The following AGPS variants were observed in gnomAD, a reference collection of about 807,000 sequenced individuals.
AGPS encodes the protein alkyldihydroxyacetonephosphate synthase, peroxisomal.
A neutral mutation model predicts 90.7 loss-of-function variants in AGPS; 26 were observed. The observed-to-expected ratio is 0.29, with a 90% confidence interval of 0.21 to 0.40. The LOEUF is 0.40. AGPS is among the 10% of genes least tolerant of loss of function. The pLI is 1.00. For synonymous variants in AGPS, 294 were observed against 285.3 expected (o/e 1.03, Z -0.31); for missense variants, 540 against 816.1 (o/e 0.66, Z 4.12).
chr2:177,515,283 A>G lies in AGPS; in HGVS notation c.1697+1375A>G, dbSNP rs141354714. On this transcript the variant is annotated intron_variant, in intron 17 of 19. Transcript: ENST00000264167. ...TGCTTCATTTTTCTCTTGATAGCCC[A>G]GTCTTTTAGCAGTCAGCTCTCTTTT... 5.1e-3 allele frequency among the ~76,000 whole-genome samples: 769 copies of G among 152,216 alleles called. 6 individuals carry two copies. Among genetic ancestry groups the G allele is most frequent in the African/African-American group, 0.017 (718 of 41,538 alleles).
chr2:177,401,307 T>C (rs545900192), intron 1 of AGPS, among the ~76,000 whole-genome samples: 154 of 152,332 alleles, frequency 1.0e-3, no homozygotes, highest in African/African-American at 3.5e-3. Flanking sequence ...CTTCAATCCC[T>C]ATCTTGAACT....
At chr2:177,531,759 A>G (rs1167968518) in intron 19 of AGPS, among the ~76,000 whole-genome samples, 1 of 152,216 alleles carries the variant, frequency 6.6e-6, no homozygotes, top group Non-Finnish European at 1.5e-5. Context: ...CTATATAGTT[A>G]CAGTAGTCAT....
intron 1 of AGPS, among the ~76,000 whole-genome samples, chr2:177,416,215 A>G (rs907479409): frequency 7.9e-5 from 12 of 152,294 alleles, no homozygotes; most frequent in African/African-American, 2.9e-4. Context: ...CCATTTTAAG[A>G]ATAAAGAAAC....
At chr2:177,405,497 T>C (rs1208967887) in intron 1 of AGPS, among the ~76,000 whole-genome samples, 1 of 152,232 alleles carries the variant, frequency 6.6e-6, no homozygotes, top group Non-Finnish European at 1.5e-5. Context: ...TTTTTCCTGC[T>C]GCTTAAAAGC....
At chr2:177,520,081 C>A (rs768657260) in intron 17 of AGPS, among the ~76,000 whole-genome samples, 3 of 152,162 alleles carry the variant, frequency 2.0e-5, no homozygotes, top group Non-Finnish European at 2.9e-5. Context: ...AGGTCACTCT[C>A]CTGGCCATCT....
Position 177,461,941 on chromosome 2 carries a change from T to G in AGPS, c.919T>G (p.Phe307Val), listed in dbSNP as rs1687304936. ...CTGHEPDSLEFSTVGGWVSTR... is the reference protein window; with the variant it reads ...CTGHEPDSLEVSTVGGWVSTR... The stretch of plus-strand genomic sequence containing the variant: ...AGGTCATGAACCAGATTCCCTGGAG[T>G]TCAGTACTGTAGGAGGATGGGTATC... Residue 307 changes from phenylalanine (F) to valine (V), a missense_variant, in exon 9 of 20, where the codon TTC becomes GTC. Coordinates refer to ENST00000264167, the MANE Select transcript of AGPS (RefSeq NM_003659.4). The G allele has an allele frequency of 6.2e-7, 1 of 1,612,614 alleles. No individual in the cohort carries two copies. Among genetic ancestry groups the G allele is most frequent in the Non-Finnish European group, 8.5e-7 (1 of 1,179,192 alleles).
At chr2:177,409,176 T>A (rs1319362954) in intron 1 of AGPS, among the ~76,000 whole-genome samples, 4 of 152,140 alleles carry the variant, frequency 2.6e-5, no homozygotes, top group South Asian at 2.1e-4. Flanking sequence ...TTTTTTTTTT[T>A]AATCATTATT....
intron 14 of AGPS, among the ~76,000 whole-genome samples, chr2:177,504,524 G>T (rs747678045): frequency 1.3e-5 from 2 of 151,818 alleles, no homozygotes; most frequent in Non-Finnish European, 2.9e-5. Flanking sequence ...CACTTCTTTT[G>T]GATAACACCA....
At chr2:177,511,401 GTTACA>G (rs1688868040) in intron 16 of AGPS, among the ~76,000 whole-genome samples, 2 of 151,980 alleles carry the variant, frequency 1.3e-5, no homozygotes, top group Non-Finnish European at 2.9e-5. Context: ...CCTAGCCGAT[GTTACA>G]GATTTTGGAG....
intron 2 of AGPS, among the ~76,000 whole-genome samples, chr2:177,429,653 G>A (rs1559042353): frequency 6.6e-6 from 1 of 152,216 alleles, no homozygotes; most frequent in Non-Finnish European, 1.5e-5. Flanking sequence ...ACCAGTGGAG[G>A]CTGTGAAACA....
At chr2:177,473,892 G>A (rs989239717) in intron 10 of AGPS, among the ~76,000 whole-genome samples, 1 of 152,110 alleles carries the variant, frequency 6.6e-6, no homozygotes, top group African/African-American at 2.4e-5. Context: ...GCAATGCCTC[G>A]TTTTATACTA....
At chr2:177,462,426 A>G (rs1035375548) in intron 9 of AGPS, among the ~76,000 whole-genome samples, 1 of 149,668 alleles carries the variant, frequency 6.7e-6, no homozygotes, top group Non-Finnish European at 1.5e-5. Flanking sequence ...AAAGAGTTGG[A>G]TGGTAGATTC....
chr2:177,450,964 A>ATATATATACATATATGTATATATG (rs1553511649), intron 8 of AGPS, among the ~76,000 whole-genome samples: 1 of 123,750 alleles, frequency 8.1e-6, no homozygotes, highest in African/African-American at 3.7e-5. Flanking sequence ...CATGTCTTTC[A>ATATATATACATATATGTATATATG]TATATATATA....
chr2:177,400,630 G>C (rs1332265871), intron 1 of AGPS, among the ~76,000 whole-genome samples: 1 of 152,128 alleles, frequency 6.6e-6, no homozygotes, highest in Non-Finnish European at 1.5e-5. Flanking sequence ...ACTGTTATAT[G>C]ATTGCATATA....
chr2:177,475,294 T>G (rs1687747692), intron 10 of AGPS, among the ~76,000 whole-genome samples: 1 of 152,224 alleles, frequency 6.6e-6, no homozygotes, highest in South Asian at 2.1e-4. Flanking sequence ...GTGATACTAC[T>G]TGTCTTGGTG....
chr2:177,458,554 T>C (rs1299568543), intron 8 of AGPS, among the ~76,000 whole-genome samples: 1 of 152,160 alleles, frequency 6.6e-6, no homozygotes, highest in East Asian at 1.9e-4. Flanking sequence ...AGCCAAATCA[T>C]GAGTGAACTC....
intron 5 of AGPS, among the ~76,000 whole-genome samples, chr2:177,437,504 T>A (rs1413508545): frequency 1.3e-5 from 2 of 152,184 alleles, no homozygotes; most frequent in African/African-American, 4.8e-5. Context: ...ATGTTTAAAA[T>A]GAATAATTAA....
intron 16 of AGPS, among the ~76,000 whole-genome samples, chr2:177,511,450 G>T (rs1243327757): frequency 6.6e-6 from 1 of 151,912 alleles, no homozygotes; most frequent in Non-Finnish European, 1.5e-5. Flanking sequence ...AACCAAGAAA[G>T]TGGATACAAA....
chr2:177,401,896 A>G (rs1685342152), intron 1 of AGPS, among the ~76,000 whole-genome samples: 1 of 152,138 alleles, frequency 6.6e-6, no homozygotes, highest in African/African-American at 2.4e-5. Flanking sequence ...CCTTGATATT[A>G]TATTGATATC....
Sources: allele counts gnomAD v4.1 joint callset (sites outside exome capture counted in the v4.1 genomes callset), GRCh38; gene constraint gnomAD v4.1.1; transcripts MANE v1.5; gene names NCBI Gene and HGNC (gene_info 2026-07-23, HGNC 2026-07-21).